CSMD2: variants seen among roughly 807,000 people sequenced by gnomAD.
CSMD2 encodes the protein CUB and sushi domain-containing protein 2.
In CSMD2, 130 loss-of-function variants were observed where a neutral mutation model predicts 398.5. The observed-to-expected ratio is 0.33, with a 90% CI of 0.28 to 0.38. The LOEUF (loss-of-function observed/expected upper bound fraction) is 0.38, where lower values mean the gene tolerates loss of function less well. Among genes scored for constraint, CSMD2 ranks in the 10% least tolerant of loss-of-function variants. CSMD2 has a pLI of 1.00. For synonymous variants in CSMD2, 1,828 were observed against 1,908.5 expected (o/e 0.96, Z 1.10); for missense variants, 3,829 against 4,764.9 (o/e 0.80, Z 5.78).
intron 2 of CSMD2, among the ~76,000 whole-genome samples, chr1:34,070,565 C>T (rs945580326): frequency 3.9e-5 from 6 of 152,146 alleles, no homozygotes; most frequent in Non-Finnish European, 7.3e-5. Flanking sequence ...TAACATAATG[C>T]GCCTGAGAAG....
At chr1:34,128,833 G>A (rs1279519103) in intron 1 of CSMD2, among the ~76,000 whole-genome samples, 5 of 152,176 alleles carry the variant, frequency 3.3e-5, no homozygotes, top group Middle Eastern at 3.2e-3. Context: ...GATGGGGGAG[G>A]TTCAAGGTCA....
At chr1:34,141,850 C>T (rs1434272040) in intron 1 of CSMD2, among the ~76,000 whole-genome samples, 1 of 152,008 alleles carries the variant, frequency 6.6e-6, no homozygotes, top group Non-Finnish European at 1.5e-5. Flanking sequence ...GAAGATGGCT[C>T]GGACCCTTGG....
At chr1:33,979,191 C>G (rs1646075687) in intron 3 of CSMD2, among the ~76,000 whole-genome samples, 1 of 152,188 alleles carries the variant, frequency 6.6e-6, no homozygotes, top group African/African-American at 2.4e-5. Flanking sequence ...CATGCCAGAT[C>G]CCCTGCCAGT....
chr1:33,993,249 C>T (rs1306867566), intron 3 of CSMD2, among the ~76,000 whole-genome samples: 3 of 152,156 alleles, frequency 2.0e-5, no homozygotes, highest in Admixed American at 6.5e-5. Flanking sequence ...AAGGGGGACC[C>T]TCAGTTTGTA....
At position 33,540,685 on chromosome 1, in the gene CSMD2, C is replaced by T; in HGVS notation, c.9471G>A (p.Lys3157=). Residue 3157 remains lysine (K), a synonymous_variant, in exon 60 of 71, where the codon AAG becomes AAA. Transcript: ENST00000373381. ...TCCCATTGGGGATGAGCGGAGGTGG[C>T]TTGCACATGAGAGCTGGAGGGAGAC... is the stretch of plus-strand genomic sequence containing the variant. ...TKPVCKALMC[K]PPPLIPNGKV... 1 of 1,614,160 alleles carries T rather than the reference C, an allele frequency of 6.2e-7. No homozygotes were observed. The highest frequency in any genetic ancestry group is 8.5e-7 in the Non-Finnish European group (1 of 1,180,010).
At chr1:33,778,375 A>G (rs1652273408) in intron 12 of CSMD2, among the ~76,000 whole-genome samples, 1 of 151,996 alleles carries the variant, frequency 6.6e-6, no homozygotes, top group African/African-American at 2.4e-5. Context: ...TGTTCATTCA[A>G]CAAGTATTTT....
chr1:33,916,627 C>T (rs924237109), intron 5 of CSMD2, among the ~76,000 whole-genome samples: 1 of 152,196 alleles, frequency 6.6e-6, no homozygotes, highest in African/African-American at 2.4e-5. Flanking sequence ...GTGAGAAGCT[C>T]ATGGTGACAC....
intron 49 of CSMD2, among the ~76,000 whole-genome samples, chr1:33,574,079 GC>G (rs1388255076): frequency 1.3e-5 from 2 of 152,096 alleles, no homozygotes; most frequent in East Asian, 3.9e-4. Flanking sequence ...ATGTGTGAGG[GC>G]AAAAAGATAG....
At chr1:33,632,993 G>A (rs544323040) in intron 32 of CSMD2, among the ~76,000 whole-genome samples, 68 of 152,300 alleles carry the variant, frequency 4.5e-4, no homozygotes, top group Non-Finnish European at 5.6e-4. Flanking sequence ...AATAAAATAT[G>A]TAAACGTCGA....
chr1:34,165,510 A>G (rs1189625214), upstream of CSMD2, among the ~76,000 whole-genome samples: 2 of 152,100 alleles, frequency 1.3e-5, no homozygotes, highest in African/African-American at 2.4e-5. Context: ...CTGTTTTGCA[A>G]TTGACCAGTT....
chr1:34,004,457 GT>G (rs34932774), intron 3 of CSMD2, among the ~76,000 whole-genome samples: 76,000 of 151,632 alleles, frequency 0.5, 20,509 homozygotes, highest in African/African-American at 0.7. Context: ...AGTAATCAAG[GT>G]TTTTTTTTGT....
chr1:33,852,595 C>A (rs775625943), intron 5 of CSMD2, among the ~76,000 whole-genome samples: 5 of 152,256 alleles, frequency 3.3e-5, no homozygotes. Context: ...CTCTCCCTCT[C>A]CCTGCCCCCA....
intron 15 of CSMD2, among the ~76,000 whole-genome samples, chr1:33,736,298 G>A (rs1372768850): frequency 1.3e-5 from 2 of 152,070 alleles, no homozygotes; most frequent in African/African-American, 2.4e-5. Flanking sequence ...TGGCTAACAC[G>A]GTGAAACCCT....
chr1:33,583,663 C>G lies in CSMD2; in HGVS notation c.7219G>C (p.Asp2407His). 1 of 1,614,088 alleles carries G rather than the reference C, an allele frequency of 6.2e-7. No homozygotes were observed. Among genetic ancestry groups the G allele is most frequent in the Non-Finnish European group, 8.5e-7 (1 of 1,179,990 alleles). ...VEYFLSEKQY[D>H]EFEIFDGPSG... is the part of the protein sequence containing the mutation. ...TTACCATCAAAAATCTCAAACTCATCATATTGCTTCTCGCTGAGGAAGTAC... is the reference window on the plus strand; with the variant it reads ...TTACCATCAAAAATCTCAAACTCATGATATTGCTTCTCGCTGAGGAAGTAC... The change falls in exon 47 of 71, where the codon GAT (aspartate) becomes CAT (histidine). Residue 2407 changes from aspartate to histidine, a missense_variant. Coordinates refer to ENST00000373381, the MANE Select transcript of CSMD2 (RefSeq NM_001281956.2).
chr1:33,975,036 C>T (rs1437831780), intron 3 of CSMD2, among the ~76,000 whole-genome samples: 1 of 152,250 alleles, frequency 6.6e-6, no homozygotes, highest in Non-Finnish European at 1.5e-5. Flanking sequence ...CAGGCACTTT[C>T]CACTGCACAA....
intron 3 of CSMD2, among the ~76,000 whole-genome samples, chr1:34,006,182 A>G (rs1380281353): frequency 6.6e-6 from 1 of 152,180 alleles, no homozygotes; most frequent in Non-Finnish European, 1.5e-5. Context: ...CCAGCCAAAT[A>G]CAAAGCCAAG....
chr1:33,638,551 A>G (rs1642933830), intron 29 of CSMD2, among the ~76,000 whole-genome samples: 1 of 152,204 alleles, frequency 6.6e-6, no homozygotes, highest in Non-Finnish European at 1.5e-5. Flanking sequence ...CACGAGTTAG[A>G]TCATGTCTGC....
chr1:34,095,383 A>G (rs1659158591), intron 1 of CSMD2, among the ~76,000 whole-genome samples: 1 of 150,818 alleles, frequency 6.6e-6, no homozygotes, highest in Admixed American at 6.6e-5. Flanking sequence ...TTCAAAAGCT[A>G]GCAGAAAGCA....
chr1:33,567,496 T>TATATATATATATA (rs61334036), intron 53 of CSMD2, 97 bp downstream of exon 53: 678 of 932,962 alleles, frequency 7.3e-4, no homozygotes, highest in Non-Finnish European at 8.5e-4. Context: ...TATATATATA[T>TATATATATATATA]TTAAAACAAA....
Sources: gnomAD v4.1 joint callset for allele counts (sites outside exome capture counted in the v4.1 genomes callset) on GRCh38, gnomAD v4.1.1 for gene constraint, MANE v1.5 for transcripts, NCBI Gene and HGNC (gene_info 2026-07-23, HGNC 2026-07-21) for gene names.